Variants in NRG1 observed in about 807,000 individuals in gnomAD.
NRG1 encodes the protein pro-neuregulin-1, membrane-bound isoform.
In NRG1, 18 loss-of-function variants were observed where a neutral mutation model predicts 63.8. The observed-to-expected ratio is 0.28, with a 90% CI of 0.19 to 0.42. The LOEUF is 0.42. NRG1 is among the 10% of genes least tolerant of loss of function. The pLI is 1.00. For synonymous variants in NRG1, 302 were observed against 301.3 expected (o/e 1.00, Z -0.02); for missense variants, 762 against 814.7 (o/e 0.94, Z 0.79).
chr8:32,125,352 G>T (rs1833942676), intron 1 of NRG1, among the ~76,000 whole-genome samples: 1 of 151,884 alleles, frequency 6.6e-6, no homozygotes, highest in African/African-American at 2.4e-5. Context: ...TTACTATTAT[G>T]CTTACTTGGC....
intron 1 of NRG1, among the ~76,000 whole-genome samples, chr8:32,422,756 A>C (rs1816850610): frequency 6.6e-6 from 1 of 152,242 alleles, no homozygotes; most frequent in Non-Finnish European, 1.5e-5. Context: ...TGATAGGAGA[A>C]TGGAATGTCT....
intron 1 of NRG1, among the ~76,000 whole-genome samples, chr8:31,803,898 T>C (rs1396527229): frequency 6.6e-6 from 1 of 152,194 alleles, no homozygotes; most frequent in Non-Finnish European, 1.5e-5. Flanking sequence ...TCTCAGGGCC[T>C]AAGTGTTTGC....
intron 1 of NRG1, among the ~76,000 whole-genome samples, chr8:31,721,082 G>A (rs915123436): frequency 1.3e-5 from 2 of 152,180 alleles, no homozygotes; most frequent in Admixed American, 6.5e-5. Context: ...GAGCTCCACC[G>A]TCTGGTGCCT....
intron 6 of NRG1, among the ~76,000 whole-genome samples, chr8:32,740,001 T>C (rs1825943332): frequency 6.6e-6 from 1 of 152,178 alleles, no homozygotes; most frequent in African/African-American, 2.4e-5. Flanking sequence ...TTATAGGGTT[T>C]GTCTATATGA....
At chr8:32,267,186 A>AGAAGGAAG (rs138029737) in intron 1 of NRG1, among the ~76,000 whole-genome samples, 2 of 149,430 alleles carry the variant, frequency 1.3e-5, no homozygotes, top group Admixed American at 6.7e-5. Flanking sequence ...GGAAGGAGAA[A>AGAAGGAAG]GAAGGAAGGA....
intron 1 of NRG1, 33 bp downstream of exon 1, chr8:32,548,859 C>T (rs1046788294): frequency 7.2e-6 from 11 of 1,531,888 alleles, no homozygotes; most frequent in Non-Finnish European, 9.6e-6. Context: ...GCCCCACGAT[C>T]CTCCTCCTGC....
intron 1 of NRG1, among the ~76,000 whole-genome samples, chr8:32,590,537 T>A (rs1207142356): frequency 1.3e-5 from 2 of 152,154 alleles, no homozygotes; most frequent in African/African-American, 2.4e-5. Context: ...CAAGTAAAAA[T>A]TTTTTTGCAC....
chr8:31,676,252 T>C (rs1377519980), intron 1 of NRG1, among the ~76,000 whole-genome samples: 1 of 152,112 alleles, frequency 6.6e-6, no homozygotes, highest in African/African-American at 2.4e-5. Flanking sequence ...CTGAATAGTT[T>C]TAGGCTGCCT....
intron 1 of NRG1, among the ~76,000 whole-genome samples, chr8:31,945,914 C>G (rs994629208): frequency 6.6e-6 from 1 of 152,160 alleles, no homozygotes; most frequent in African/African-American, 2.4e-5. Context: ...ATTAGCACAC[C>G]ATTTACTATG....
At chr8:32,381,558 C>A (rs1810355017) in intron 1 of NRG1, among the ~76,000 whole-genome samples, 1 of 152,144 alleles carries the variant, frequency 6.6e-6, no homozygotes, top group Non-Finnish European at 1.5e-5. Flanking sequence ...TAATTATATT[C>A]TTAGTTACAC....
chr8:32,768,081 A>G (rs980955407), downstream of NRG1: 1 of 152,172 alleles, frequency 6.6e-6, no homozygotes, highest in African/African-American at 2.4e-5. Flanking sequence ...CCTTGTCTAT[A>G]CGTTGCTTCT....
At chr8:32,208,408 C>T (rs1219006277) in intron 1 of NRG1, among the ~76,000 whole-genome samples, 1 of 151,832 alleles carries the variant, frequency 6.6e-6, no homozygotes, top group Admixed American at 6.6e-5. Context: ...CAGGCACCCT[C>T]CACCATGCCC....
At chr8:31,920,864 ATAGATAGATAGATAGATAGG>A (rs1162397955) in intron 1 of NRG1, among the ~76,000 whole-genome samples, 1 of 134,086 alleles carries the variant, frequency 7.5e-6, no homozygotes, top group African/African-American at 2.8e-5. Context: ...GGATAGATAC[ATAGATAGATAGATAGATAGG>A]TAGATAGATA....
chr8:32,443,649 G>C (rs1211182009), intron 1 of NRG1, among the ~76,000 whole-genome samples: 1 of 152,170 alleles, frequency 6.6e-6, no homozygotes, highest in East Asian at 1.9e-4. Flanking sequence ...CCTAGTAAGT[G>C]TTCTTAATTG....
chr8:32,441,004 G>A (rs764848696), intron 1 of NRG1, among the ~76,000 whole-genome samples: 3 of 152,024 alleles, frequency 2.0e-5, no homozygotes, highest in African/African-American at 7.3e-5. Flanking sequence ...ATTCTGAAAA[G>A]CACACTCATT....
chr8:31,966,992 C>T (rs1563628195), intron 1 of NRG1, among the ~76,000 whole-genome samples: 1 of 152,122 alleles, frequency 6.6e-6, no homozygotes, highest in Non-Finnish European at 1.5e-5. Flanking sequence ...ATAATTTTCA[C>T]AGCACATTGC....
intron 1 of NRG1, among the ~76,000 whole-genome samples, chr8:32,431,739 G>GT (rs141074862): frequency 6.5e-4 from 97 of 148,508 alleles, no homozygotes; most frequent in Middle Eastern, 3.5e-3. Flanking sequence ...ATCTCTCAGG[G>GT]TTTTTTTTTT....
chr8:31,891,061 A>G (rs1002863284), intron 1 of NRG1, among the ~76,000 whole-genome samples: 1 of 152,222 alleles, frequency 6.6e-6, no homozygotes, highest in African/African-American at 2.4e-5. Flanking sequence ...TTAGAAAAAA[A>G]CAGGAGAGTG....
At chr8:32,361,321 C>A (rs559697584) in intron 1 of NRG1, among the ~76,000 whole-genome samples, 2 of 152,018 alleles carry the variant, frequency 1.3e-5, no homozygotes, top group East Asian at 3.9e-4. Flanking sequence ...AGGAAGGGAG[C>A]GGGTAGAAAA....
Sources: gnomAD v4.1 joint callset for allele counts (sites outside exome capture counted in the v4.1 genomes callset) on GRCh38, gnomAD v4.1.1 for gene constraint, MANE v1.5 for transcripts, NCBI Gene and HGNC (gene_info 2026-07-23, HGNC 2026-07-21) for gene names.